USP32: variants seen among roughly 807,000 people sequenced by gnomAD.
The protein encoded by USP32 is ubiquitin carboxyl-terminal hydrolase 32.
In USP32, 59 loss-of-function variants were observed where a neutral mutation model predicts 204.8. The ratio of observed to expected loss-of-function variants is 0.29; its 90% CI spans 0.23 to 0.36. The LOEUF (loss-of-function observed/expected upper bound fraction) is 0.36, where lower values mean the gene tolerates loss of function less well. Among genes scored for constraint, USP32 ranks in the 10% least tolerant of loss-of-function variants. USP32 has a pLI of 1.00. For synonymous variants in USP32, 517 were observed against 678.4 expected (o/e 0.76, Z 3.70); for missense variants, 1,160 against 1,946.4 (o/e 0.60, Z 7.60).
chr17:60,238,114 T>C (rs537333251), intron 11 of USP32, among the ~76,000 whole-genome samples: 22 of 152,298 alleles, frequency 1.4e-4, no homozygotes, highest in African/African-American at 5.1e-4. Context: ...GAAGTAGAAT[T>C]TCATTGTTTT....
intron 5 of USP32, among the ~76,000 whole-genome samples, chr17:60,284,587 T>C (rs1240524083): frequency 1.3e-5 from 2 of 152,232 alleles, no homozygotes; most frequent in African/African-American, 4.8e-5. Flanking sequence ...CAAAAAAAGA[T>C]GATTTTCAAA....
intron 2 of USP32, among the ~76,000 whole-genome samples, chr17:60,318,374 T>A (rs1364777486): frequency 6.6e-6 from 1 of 152,212 alleles, no homozygotes; most frequent in East Asian, 1.9e-4. Flanking sequence ...ATTCTCCTGT[T>A]CACTAATCTA....
At chr17:60,223,639 C>A in intron 13 of USP32, 53 bp from the exon 14 acceptor site, 1 of 1,506,916 alleles carries the variant, frequency 6.6e-7, no homozygotes, top group Middle Eastern at 1.9e-4. Flanking sequence ...TATACATAAA[C>A]AGGCTTGAGG....
intron 5 of USP32, among the ~76,000 whole-genome samples, chr17:60,281,270 G>A (rs1176189435): frequency 6.6e-6 from 1 of 152,230 alleles, no homozygotes; most frequent in Non-Finnish European, 1.5e-5. Flanking sequence ...CGGGTGCAGT[G>A]GCTCACGCCT....
intron 2 of USP32, among the ~76,000 whole-genome samples, chr17:60,341,109 C>T (rs1282619050): frequency 1.3e-5 from 2 of 152,104 alleles, no homozygotes; most frequent in Non-Finnish European, 2.9e-5. Context: ...AACATTTTTT[C>T]CTTCATTTCA....
At chr17:60,267,454 TC>T (rs1260641407) in intron 7 of USP32, among the ~76,000 whole-genome samples, 2 of 152,212 alleles carry the variant, frequency 1.3e-5, no homozygotes, top group African/African-American at 4.8e-5. Flanking sequence ...ATAAAGACAG[TC>T]CACTTCCATG....
At chr17:60,407,848 AGCACTTTGGGAG>A (rs1015914837) in intron 1 of USP32, among the ~76,000 whole-genome samples, 1 of 150,944 alleles carries the variant, frequency 6.6e-6, no homozygotes, top group African/African-American at 2.4e-5. Context: ...ATGTAATTCC[AGCACTTTGGGAG>A]GCCAAGGCAG....
intron 1 of USP32, among the ~76,000 whole-genome samples, chr17:60,349,622 TATTA>T (rs1411323820): frequency 0.035 from 2,325 of 66,490 alleles, 32 homozygotes; most frequent in African/African-American, 0.042. Context: ...TATATATATA[TATTA>T]TATATATATA....
intron 10 of USP32, 72 bp from the exon 11 acceptor site, chr17:60,252,514 T>A: frequency 8.7e-7 from 1 of 1,152,162 alleles, no homozygotes; most frequent in Non-Finnish European, 1.2e-6. Flanking sequence ...GAGACCCATT[T>A]CCTAAATTGG....
At chr17:60,201,214 T>A (rs2145454378) in intron 26 of USP32, among the ~76,000 whole-genome samples, 2 of 152,350 alleles carry the variant, frequency 1.3e-5, no homozygotes, top group Middle Eastern at 6.8e-3. Flanking sequence ...GATTCATTTA[T>A]ACTCTATATA....
Position 60,185,641 on chromosome 17 carries a change from T to C in USP32, c.3653A>G (p.Glu1218Gly). 1 of 1,610,222 alleles carries C rather than the reference T, an allele frequency of 6.2e-7. No homozygotes were observed. Among genetic ancestry groups the C allele is most frequent in the Non-Finnish European group, 8.5e-7 (1 of 1,178,442 alleles). The change falls in exon 30 of 34, where the codon GAG becomes GGG. Residue 1218 changes from glutamate to glycine, a missense_variant. Transcript: ENST00000300896. Reference protein sequence around the residue: ...YQTSQERVVDEHESVEQSRRA... With the variant: ...YQTSQERVVDGHESVEQSRRA... Reference sequence around the variant, plus strand: ...CCGACTCTGCTCCACACTCTCATGCTCATCTACAACCTGCAGGTAGAGGGA... The same window carrying C: ...CCGACTCTGCTCCACACTCTCATGCCCATCTACAACCTGCAGGTAGAGGGA...
intron 14 of USP32, 104 bp from the exon 15 acceptor site, chr17:60,222,653 G>C: frequency 1.2e-6 from 1 of 813,888 alleles, no homozygotes; most frequent in Non-Finnish European, 1.8e-6. Flanking sequence ...TCACCACCCA[G>C]TTTCATGTTG....
At chr17:60,351,626 C>T (rs1000487725) in intron 1 of USP32, among the ~76,000 whole-genome samples, 1 of 152,128 alleles carries the variant, frequency 6.6e-6, no homozygotes, top group African/African-American at 2.4e-5. Context: ...CGGGGTTTCG[C>T]CATGCTGGCC....
At chr17:60,234,023 C>T (rs2085643786) in intron 12 of USP32, among the ~76,000 whole-genome samples, 1 of 152,060 alleles carries the variant, frequency 6.6e-6, no homozygotes, top group Non-Finnish European at 1.5e-5. Context: ...GATCATGGCT[C>T]ACTGCAGTCT....
chr17:60,194,049 A>ATT (rs1045307955), intron 27 of USP32, among the ~76,000 whole-genome samples: 3 of 145,676 alleles, frequency 2.1e-5, no homozygotes, highest in African/African-American at 5.0e-5. Context: ...GACTTTTTCC[A>ATT]TTTTTTTTTT....
intron 2 of USP32, among the ~76,000 whole-genome samples, chr17:60,332,059 A>G (rs1338308448): frequency 1.3e-5 from 2 of 152,192 alleles, no homozygotes; most frequent in Non-Finnish European, 2.9e-5. Flanking sequence ...TTTTGGCAAC[A>G]TAGCGAAACC....
intron 2 of USP32, among the ~76,000 whole-genome samples, chr17:60,328,811 C>A (rs1334452772): frequency 6.6e-6 from 1 of 152,226 alleles, no homozygotes; most frequent in Non-Finnish European, 1.5e-5. Context: ...CCTGGTCCAG[C>A]TGCAGCCTTG....
chr17:60,413,861 CAA>C (rs1307789444), intron 1 of USP32, among the ~76,000 whole-genome samples: 1 of 31,686 alleles, frequency 3.2e-5, no homozygotes, highest in Admixed American at 3.7e-4. Flanking sequence ...GATTCTGTCT[CAA>C]AAAAAAAAAA....
At chr17:60,303,578 A>C (rs1459239555) in intron 2 of USP32, among the ~76,000 whole-genome samples, 1 of 152,104 alleles carries the variant, frequency 6.6e-6, no homozygotes, top group Non-Finnish European at 1.5e-5. Context: ...TCTCTATAGC[A>C]CTTAGGGTAA....
Sources: gnomAD v4.1 joint callset for allele counts (sites outside exome capture counted in the v4.1 genomes callset) on GRCh38, gnomAD v4.1.1 for gene constraint, MANE v1.5 for transcripts, NCBI Gene and HGNC (gene_info 2026-07-23, HGNC 2026-07-21) for gene names.